KCNAB1: variants seen among roughly 807,000 people sequenced by gnomAD.
KCNAB1 encodes the protein potassium voltage-gated channel subfamily A regulatory beta subunit 1.
In KCNAB1, 35 loss-of-function variants were observed where a neutral mutation model predicts 64.6. The ratio of observed to expected loss-of-function variants is 0.54; its 90% CI spans 0.41 to 0.72. KCNAB1 has a LOEUF of 0.72. KCNAB1 is among the 30% of genes least tolerant of loss of function. The probability of loss-of-function intolerance (pLI) is 0.00; values close to 1 mark genes in which losing one functional copy is unlikely to be tolerated. For synonymous variants in KCNAB1, 177 were observed against 183.8 expected (o/e 0.96, Z 0.30); for missense variants, 401 against 512.9 (o/e 0.78, Z 2.11).
intron 1 of KCNAB1, among the ~76,000 whole-genome samples, chr3:156,193,502 C>T (rs541494219): frequency 1.3e-5 from 2 of 152,124 alleles, no homozygotes; most frequent in African/African-American, 4.8e-5. Context: ...AAGAACTGCC[C>T]GAGGCTGGGT....
chr3:156,429,885 T>C (rs887497808), intron 2 of KCNAB1, among the ~76,000 whole-genome samples: 8 of 152,184 alleles, frequency 5.3e-5, no homozygotes, highest in African/African-American at 1.7e-4. Flanking sequence ...GAAATACCCA[T>C]AGAGTTTAAA....
At chr3:156,360,145 TA>T (rs1366139897) in intron 1 of KCNAB1, among the ~76,000 whole-genome samples, 1 of 152,238 alleles carries the variant, frequency 6.6e-6, no homozygotes, top group Non-Finnish European at 1.5e-5. Context: ...TATTGTTAAA[TA>T]AAAACAGTAT....
intron 1 of KCNAB1, among the ~76,000 whole-genome samples, chr3:156,157,195 A>G (rs1324754288): frequency 6.6e-6 from 1 of 152,206 alleles, no homozygotes; most frequent in African/African-American, 2.4e-5. Context: ...TCTACACAGC[A>G]CTATGCTTGA....
chr3:156,403,943 C>T (rs948329010), intron 1 of KCNAB1, among the ~76,000 whole-genome samples: 4 of 150,132 alleles, frequency 2.7e-5, no homozygotes, highest in African/African-American at 9.9e-5. Flanking sequence ...GTGTACCAAA[C>T]AACAGGTGTG....
At chr3:156,371,113 G>T (rs1726277936) in intron 1 of KCNAB1, among the ~76,000 whole-genome samples, 1 of 152,202 alleles carries the variant, frequency 6.6e-6, no homozygotes, top group African/African-American at 2.4e-5. Flanking sequence ...AACACACATT[G>T]AGAAGTATCT....
chr3:156,455,692 A>G (rs1178528115), intron 3 of KCNAB1, among the ~76,000 whole-genome samples: 1 of 151,768 alleles, frequency 6.6e-6, no homozygotes, highest in East Asian at 1.9e-4. Flanking sequence ...ATGAAGAGCA[A>G]ACTTCAGGGC....
intron 1 of KCNAB1, among the ~76,000 whole-genome samples, chr3:156,147,964 C>CGCACAT (rs1715148196): frequency 6.6e-6 from 1 of 151,402 alleles, no homozygotes; most frequent in Non-Finnish European, 1.5e-5. Context: ...CACACACGCA[C>CGCACAT]GCACACGCAC....
chr3:156,395,220 T>C (rs1387342637), intron 1 of KCNAB1, among the ~76,000 whole-genome samples: 1 of 152,170 alleles, frequency 6.6e-6, no homozygotes, highest in Non-Finnish European at 1.5e-5. Flanking sequence ...CAATAAATTT[T>C]CAGCTGTGTT....
chr3:156,153,525 G>T (rs1391725364), intron 1 of KCNAB1, among the ~76,000 whole-genome samples: 1 of 152,204 alleles, frequency 6.6e-6, no homozygotes, highest in African/African-American at 2.4e-5. Context: ...TATTCTGTGT[G>T]TGTCTGTGAA....
At chr3:156,450,762 T>C (rs1307760359) in intron 2 of KCNAB1, among the ~76,000 whole-genome samples, 3 of 152,198 alleles carry the variant, frequency 2.0e-5, no homozygotes, top group Non-Finnish European at 4.4e-5. Flanking sequence ...ACACCCATCT[T>C]TTCTGTGTAG....
intron 1 of KCNAB1, among the ~76,000 whole-genome samples, chr3:156,250,511 C>A (rs1218479205): frequency 2.0e-5 from 3 of 152,164 alleles, no homozygotes; most frequent in Admixed American, 2.0e-4. Context: ...TTTTTGTGCA[C>A]CCACTCCAAA....
Position 156,143,118 on chromosome 3 carries a change from T to G in KCNAB1, c.275+22232T>G. ...ATAACCCAAGGTATTCACAGCAAGA[T>G]ACAGTGAGTCTTAAAGTTAAGCACC... On this transcript the variant is annotated intron_variant, in intron 1 of 13. Transcript: ENST00000490337. The G allele has an allele frequency of 3.3e-6, 5 of 1,501,094 alleles. No homozygotes were observed. The South Asian group carries it at 7.1e-5, about 21-fold the overall frequency. The allele number at this position is 1,501,094 out of a possible 1,614,324, so 93.0% of individuals were successfully genotyped here.
intron 1 of KCNAB1, among the ~76,000 whole-genome samples, chr3:156,138,347 G>A (rs935275359): frequency 1.5e-4 from 23 of 152,318 alleles, no homozygotes; most frequent in African/African-American, 5.5e-4. Flanking sequence ...CTGGACTGTA[G>A]TGTGGTGTCC....
At position 156,331,635 on chromosome 3, in the gene KCNAB1, G is replaced by C. The variant is rs139403127; in HGVS notation, c.276-89981G>C. On this transcript the variant is annotated intron_variant, in intron 1 of 13. Coordinates refer to ENST00000490337, the MANE Select transcript of KCNAB1 (RefSeq NM_172160.3). Reference sequence around the variant, plus strand: ...TTCACTTTTTTATGGTATTACAATGGCTTTTTTTTTAAATTATGAAACCCT... The same window carrying C: ...TTCACTTTTTTATGGTATTACAATGCCTTTTTTTTTAAATTATGAAACCCT... Among the ~76,000 whole-genome samples, 606 of 151,918 alleles carry C rather than the reference G, an allele frequency of 4.0e-3. 3 individuals carry two copies. The highest frequency in any genetic ancestry group is 0.014 in the African/African-American group (574 of 41,422).
At position 156,256,033 on chromosome 3, in the gene KCNAB1, A is replaced by G. The variant is rs145292452; in HGVS notation, c.275+135147A>G. Among the ~76,000 whole-genome samples, 862 of 152,376 alleles carry G rather than the reference A, an allele frequency of 5.7e-3. 9 individuals are homozygous for G. Among genetic ancestry groups the G allele is most frequent in the South Asian group, 0.016 (78 of 4,830 alleles). On this transcript the variant is annotated intron_variant, in intron 1 of 13. Coordinates refer to ENST00000490337, the MANE Select transcript of KCNAB1 (RefSeq NM_172160.3). ...TATGCTTAATAAATGGAAGACTATT[A>G]TGATTTTTCTTCCACATTAGATTCT... is the stretch of plus-strand genomic sequence containing the variant.
intron 1 of KCNAB1, among the ~76,000 whole-genome samples, chr3:156,231,762 A>G (rs1451421676): frequency 1.5e-4 from 23 of 152,050 alleles, no homozygotes; most frequent in African/African-American, 2.4e-5. Flanking sequence ...AACTCAACCA[A>G]TTGCCAACCA....
chr3:156,353,178 C>T (rs530902386), intron 1 of KCNAB1, among the ~76,000 whole-genome samples: 10 of 152,296 alleles, frequency 6.6e-5, no homozygotes, highest in African/African-American at 7.2e-5. Context: ...CATTAGCAGC[C>T]GACTGTTAAT....
intron 8 of KCNAB1, among the ~76,000 whole-genome samples, chr3:156,485,674 T>G (rs2108341170): frequency 6.6e-6 from 1 of 152,138 alleles, no homozygotes; most frequent in South Asian, 2.1e-4. Context: ...GCTTTGGGCT[T>G]CTAGTGAACT....
chr3:156,398,694 G>A (rs927432776), intron 1 of KCNAB1, among the ~76,000 whole-genome samples: 2 of 150,656 alleles, frequency 1.3e-5, no homozygotes, highest in Admixed American at 1.3e-4. Context: ...AAACCTACAT[G>A]TTCAGCACAT....
Sources: allele counts gnomAD v4.1 joint callset (sites outside exome capture counted in the v4.1 genomes callset), GRCh38; gene constraint gnomAD v4.1.1; transcripts MANE v1.5; gene names NCBI Gene and HGNC (gene_info 2026-07-23, HGNC 2026-07-21).